Variants in CPQ observed in about 807,000 individuals in gnomAD.
CPQ encodes the protein carboxypeptidase Q.
In CPQ, 37 loss-of-function variants were observed where a neutral mutation model predicts 45.7. The ratio of observed to expected loss-of-function variants is 0.81; its 90% CI spans 0.62 to 1.07. The LOEUF (loss-of-function observed/expected upper bound fraction) is 1.07. Among genes scored for constraint, CPQ ranks in the 50% least tolerant of loss-of-function variants. CPQ has a pLI of 0.00. For synonymous variants in CPQ, 186 were observed against 205.8 expected, an observed-to-expected ratio of 0.90 and a Z score of 0.82; for missense variants, 537 against 572.9, an observed-to-expected ratio of 0.94 and a Z score of 0.64.
chr8:96,909,243 C>T (rs181823525), intron 4 of CPQ, among the ~76,000 whole-genome samples: 40 of 151,734 alleles, frequency 2.6e-4, no homozygotes, highest in Middle Eastern at 3.4e-3. Context: ...CATATGCAAC[C>T]GCTGGCATTC....
intron 1 of CPQ, among the ~76,000 whole-genome samples, chr8:96,657,810 G>A (rs537679905): frequency 2.0e-5 from 3 of 152,298 alleles, no homozygotes; most frequent in Admixed American, 2.0e-4. Context: ...GCTTTTAACA[G>A]GTTGAGATGA....
At chr8:97,018,124 A>G (rs1809614136) in intron 5 of CPQ, among the ~76,000 whole-genome samples, 1 of 152,192 alleles carries the variant, frequency 6.6e-6, no homozygotes, top group Non-Finnish European at 1.5e-5. Context: ...GGCTAGATCC[A>G]GAAGAGAGAT....
chr8:96,651,219 G>A (rs1253908250), intron 1 of CPQ, among the ~76,000 whole-genome samples: 2 of 152,192 alleles, frequency 1.3e-5, no homozygotes, highest in Non-Finnish European at 2.9e-5. Flanking sequence ...ACTCAGCTGG[G>A]AAATGGAGAG....
chr8:96,742,228 A>G (rs981976605), intron 1 of CPQ, among the ~76,000 whole-genome samples: 76 of 152,182 alleles, frequency 5.0e-4, no homozygotes, highest in Non-Finnish European at 6.8e-4. Context: ...ACCATTAAGT[A>G]ATGTCCTTCT....
At chr8:97,047,305 C>T (rs891083618) in intron 6 of CPQ, among the ~76,000 whole-genome samples, 2 of 152,224 alleles carry the variant, frequency 1.3e-5, no homozygotes, top group African/African-American at 4.8e-5. Flanking sequence ...TCAGCCATGA[C>T]TTCTATGACC....
At position 96,935,160 on chromosome 8, in the gene CPQ, C is replaced by A. The variant is rs141567318; in HGVS notation, c.850-30775C>A. 2.0e-4 allele frequency among the ~76,000 whole-genome samples: 31 copies of A among 152,246 alleles called. 1 individual carries two copies. The East Asian group carries it at 4.8e-3, about 24-fold the overall frequency. On this transcript the variant is annotated intron_variant, in intron 4 of 7. Transcript: ENST00000220763. ...CAAGGCTTAACTTTTCTCAGTGTGG[C>A]TTCATTCTCAGGCAAGCTGCCTACA...
At chr8:97,013,916 G>A (rs748056227) in intron 5 of CPQ, among the ~76,000 whole-genome samples, 6 of 152,168 alleles carry the variant, frequency 3.9e-5, no homozygotes, top group Non-Finnish European at 7.4e-5. Flanking sequence ...ATAATTTCTT[G>A]TATTGACAAT....
At chr8:96,681,536 A>T (rs535065490) in intron 1 of CPQ, among the ~76,000 whole-genome samples, 4 of 152,362 alleles carry the variant, frequency 2.6e-5, no homozygotes, top group African/African-American at 9.6e-5. Context: ...CACAGGCAGA[A>T]GTTTGCTACA....
chr8:97,076,513 A>T (rs1810848689), intron 7 of CPQ, among the ~76,000 whole-genome samples: 1 of 152,192 alleles, frequency 6.6e-6, no homozygotes, highest in South Asian at 2.1e-4. Context: ...CAGTTGGCTG[A>T]TATATCCCAA....
At chr8:97,114,241 G>T (rs1270188657) in intron 7 of CPQ, among the ~76,000 whole-genome samples, 2 of 152,214 alleles carry the variant, frequency 1.3e-5, no homozygotes, top group African/African-American at 4.8e-5. Context: ...TTGGCACGTG[G>T]TTGGTGATCC....
chr8:97,095,228 T>C (rs993887221), intron 7 of CPQ, among the ~76,000 whole-genome samples: 1 of 152,166 alleles, frequency 6.6e-6, no homozygotes, highest in Admixed American at 6.6e-5. Context: ...TTGGGTATCC[T>C]GTAGGTATTT....
At chr8:97,090,872 T>C (rs1811114204) in intron 7 of CPQ, among the ~76,000 whole-genome samples, 1 of 152,134 alleles carries the variant, frequency 6.6e-6, no homozygotes, top group Non-Finnish European at 1.5e-5. Flanking sequence ...ACCCACCTCA[T>C]CCTCTCCAAA....
intron 1 of CPQ, among the ~76,000 whole-genome samples, chr8:96,762,540 G>T (rs1453973372): frequency 6.6e-6 from 1 of 152,082 alleles, no homozygotes; most frequent in Admixed American, 6.6e-5. Flanking sequence ...ATTCTTTGGG[G>T]TGGCACATTC....
chr8:96,867,636 C>T (rs1411867715), intron 3 of CPQ, among the ~76,000 whole-genome samples: 1 of 151,972 alleles, frequency 6.6e-6, no homozygotes, highest in African/African-American at 2.4e-5. Context: ...CCACTTTTAC[C>T]TTTCCCCTAT....
intron 1 of CPQ, among the ~76,000 whole-genome samples, chr8:96,717,086 TACAC>T (rs112733642): frequency 8.2e-6 from 1 of 121,906 alleles, no homozygotes; most frequent in East Asian, 2.5e-4. Flanking sequence ...TACGTATATA[TACAC>T]ACACACACAC....
chr8:96,778,540 A>G (rs182495806), intron 1 of CPQ, among the ~76,000 whole-genome samples: 118 of 152,258 alleles, frequency 7.7e-4, no homozygotes, highest in African/African-American at 2.8e-3. Context: ...ATCTTAGTAA[A>G]TCTTCTAAAG....
At chr8:97,083,485 T>C (rs1810992268) in intron 7 of CPQ, among the ~76,000 whole-genome samples, 1 of 152,166 alleles carries the variant, frequency 6.6e-6, no homozygotes, top group African/African-American at 2.4e-5. Flanking sequence ...TTCAGTGTCC[T>C]TGTTTAGGAA....
intron 1 of CPQ, among the ~76,000 whole-genome samples, chr8:96,769,778 C>T (rs140370209): frequency 7.2e-5 from 11 of 151,948 alleles, no homozygotes; most frequent in East Asian, 3.9e-4. Flanking sequence ...ACTACAGACA[C>T]GTGCCACCAT....
intron 3 of CPQ, among the ~76,000 whole-genome samples, chr8:96,842,519 G>GAA (rs10679097): frequency 8.2e-5 from 1 of 12,248 alleles, no homozygotes; most frequent in Non-Finnish European, 1.7e-4. Context: ...CATGCAGGTG[G>GAA]GGCCACTGTG....
Sources: gnomAD v4.1 joint callset for allele counts (sites outside exome capture counted in the v4.1 genomes callset) on GRCh38, gnomAD v4.1.1 for gene constraint, MANE v1.5 for transcripts, NCBI Gene and HGNC (gene_info 2026-07-23, HGNC 2026-07-21) for gene names.